The following MEF2D variants were observed in gnomAD, a reference collection of about 807,000 sequenced individuals.
MEF2D encodes myocyte enhancer factor 2D, also known as myocyte-specific enhancer factor 2D.
A neutral mutation model predicts 59.3 loss-of-function variants in MEF2D; 10 were observed. That is an observed-to-expected ratio of 0.17 (90% CI 0.10 to 0.29). MEF2D has a LOEUF of 0.29. MEF2D is among the 10% of genes least tolerant of loss of function. MEF2D has a pLI of 1.00. For missense variants in MEF2D, 508 were observed against 699.4 expected, an observed-to-expected ratio of 0.73 and a Z score of 3.09; for synonymous variants, 305 against 295.0, an observed-to-expected ratio of 1.03 and a Z score of -0.35.
chr1:156,468,436 G>GCACACAGGCTCCTATGA lies in MEF2D; in HGVS notation c.1248-138_1248-137insTCATAGGAGCCTGTGTG. 1.5e-6 allele frequency: 1 copy of GCACACAGGCTCCTATGA among 662,570 alleles called. No homozygotes were observed. Among genetic ancestry groups the GCACACAGGCTCCTATGA allele is most frequent in the Non-Finnish European group, 2.5e-6 (1 of 396,666 alleles). 41.0% of individuals were successfully genotyped at this position (662,570 alleles called of 1,614,324 possible). A position where few individuals can be genotyped will look rare whatever the true frequency, so the allele number is the denominator to read the frequency against. On this transcript the variant is annotated intron_variant, in intron 10 of 11. Transcript: ENST00000348159. The surrounding 1 kb of genome is among the most constrained non-coding windows in gnomAD (Gnocchi z 4.3). ...TATGGGGGATGGGGTGTTGGGGAGA[G>GCACACAGGCTCCTATGA]GCAATTGGATGGAGAGTGATCAGAA...
At chr1:156,475,066 C>A (rs762442227) in intron 9 of MEF2D, 42 bp downstream of exon 9, 9 of 1,612,944 alleles carry the variant, frequency 5.6e-6, no homozygotes, top group Non-Finnish European at 7.6e-6. Context: ...TTGCCTGCCC[C>A]AAGCCCAAGT....
At position 156,475,256 on chromosome 1, in the gene MEF2D, C is replaced by G; in HGVS notation, c.877-19G>C. On this transcript the variant is annotated intron_variant, in intron 8 of 11. Transcript: ENST00000348159. ...CATTGTTCTGTAGGAGAAAACTGTC[C>G]GTCAGGAGGTGGCTGACAGGTGGGC... 6.4e-7 allele frequency: 1 copy of G among 1,574,686 alleles called. No individual in the cohort carries two copies. Among genetic ancestry groups the G allele is most frequent in the South Asian group, 1.2e-5 (1 of 85,532 alleles).
chr1:156,468,387 TGAGA>T lies in MEF2D; in HGVS notation c.1248-92_1248-89del. The T allele has an allele frequency of 1.0e-6, 1 of 974,790 alleles. No individual in the cohort carries two copies. The highest frequency in any genetic ancestry group is 1.6e-5 in the African/African-American group (1 of 60,836). 60.4% of individuals were successfully genotyped at this position (974,790 alleles called of 1,614,324 possible). A position where few individuals can be genotyped will look rare whatever the true frequency, so the allele number is the denominator to read the frequency against. ...AAGTGATAGGACACCAGACAGAAAGTGAGAGAGAACAAGAGGATGAGAATATGGG... is the reference window on the plus strand; with the variant it reads ...AAGTGATAGGACACCAGACAGAAAGTGAGAACAAGAGGATGAGAATATGGG... On this transcript the variant is annotated intron_variant, in intron 10 of 11. Transcript: ENST00000348159. This position sits in a 1 kb window ranked among gnomAD's most constrained non-coding sequence, Gnocchi z 4.3.
In MEF2D at chr1:156,482,420, T is replaced by C. The variant is rs1672085010; in HGVS notation, c.258+17A>G. ...GCAGGCGGGGGTATATCCTGGTGCC[T>C]GTGTGTATGGGCCCACCTCGATGAT... On this transcript the variant is annotated intron_variant, in intron 3 of 11. Transcript: ENST00000348159. 3 of 1,613,164 alleles carry C rather than the reference T, an allele frequency of 1.9e-6. No homozygotes were observed. The highest frequency in any genetic ancestry group is 2.5e-6 in the Non-Finnish European group (3 of 1,179,866).
At chr1:156,483,077 C>T (rs1255880723) in intron 2 of MEF2D, among the ~76,000 whole-genome samples, 162 bp downstream of exon 2, 3 of 152,236 alleles carry the variant, frequency 2.0e-5, no homozygotes, top group Non-Finnish European at 2.9e-5. Context: ...CCAAGAGCTG[C>T]GAAGAGGTTG....
At chr1:156,477,826 T>C (rs983377688) in intron 6 of MEF2D, among the ~76,000 whole-genome samples, 2 of 152,242 alleles carry the variant, frequency 1.3e-5, no homozygotes, top group African/African-American at 2.4e-5. Flanking sequence ...GATGGTGTTA[T>C]TGGCACTGGG....
In MEF2D at chr1:156,469,117, A is replaced by G. The variant is rs1671065881; in HGVS notation, c.1007-97T>C. On this transcript the variant is annotated intron_variant, in intron 9 of 11. Coordinates refer to ENST00000348159, the MANE Select transcript of MEF2D (RefSeq NM_005920.4). Reference sequence around the variant, plus strand: ...CCAGGAGGACTGTGGGGATGAGGGGACAGGGAGTGTGTAATGACAGATGTA... The same window carrying G: ...CCAGGAGGACTGTGGGGATGAGGGGGCAGGGAGTGTGTAATGACAGATGTA... The G allele has an allele frequency of 2.7e-6, 4 of 1,458,366 alleles. 1 individual carries two copies. The highest frequency in any genetic ancestry group is 1.8e-4 in the Middle Eastern group (1 of 5,446). 90.3% of individuals were successfully genotyped at this position (1,458,366 alleles called of 1,614,324 possible). A position where few individuals can be genotyped will look rare whatever the true frequency, so the allele number is the denominator to read the frequency against.
chr1:156,485,967 G>A (rs1346090899), intron 1 of MEF2D, among the ~76,000 whole-genome samples: 2 of 150,124 alleles, frequency 1.3e-5, no homozygotes, highest in African/African-American at 4.9e-5. Flanking sequence ...CTCCTGCCTC[G>A]GCCTCCCAAG....
chr1:156,498,403 T>G (rs2102297956), intron 1 of MEF2D, among the ~76,000 whole-genome samples: 1 of 152,288 alleles, frequency 6.6e-6, no homozygotes, highest in African/African-American at 2.4e-5. Context: ...GGGTCCTGCT[T>G]CTTCCCTTGG....
intron 1 of MEF2D, among the ~76,000 whole-genome samples, chr1:156,496,174 AG>A (rs1673117978): frequency 6.6e-6 from 1 of 152,192 alleles, no homozygotes; most frequent in Non-Finnish European, 1.5e-5. Flanking sequence ...TCAGATGAAG[AG>A]GGCCTTGGGG....
chr1:156,493,080 A>C (rs1672909437), intron 1 of MEF2D, among the ~76,000 whole-genome samples: 1 of 152,098 alleles, frequency 6.6e-6, no homozygotes. Context: ...AAGCAGCAAG[A>C]TCCTTTCTTC....
intron 1 of MEF2D, among the ~76,000 whole-genome samples, chr1:156,489,604 A>G (rs959168316): frequency 2.0e-5 from 3 of 151,906 alleles, no homozygotes; most frequent in African/African-American, 7.3e-5. Flanking sequence ...GGCTTCCAGG[A>G]CTGACTCCTG....
chr1:156,494,873 AG>A (rs1673037127), intron 1 of MEF2D, among the ~76,000 whole-genome samples: 1 of 152,100 alleles, frequency 6.6e-6, no homozygotes, highest in Non-Finnish European at 1.5e-5. Flanking sequence ...TGGGAGTGGG[AG>A]GGAGTCTCCC....
intron 1 of MEF2D, among the ~76,000 whole-genome samples, chr1:156,498,587 C>T (rs931987719): frequency 1.3e-5 from 2 of 152,234 alleles, no homozygotes; most frequent in East Asian, 3.9e-4. Flanking sequence ...AAGCTCCTCC[C>T]TTCCTCCCTT....
intron 1 of MEF2D, among the ~76,000 whole-genome samples, chr1:156,486,105 C>T (rs957498682): frequency 6.6e-5 from 10 of 152,162 alleles, no homozygotes; most frequent in African/African-American, 2.2e-4. Context: ...ACCTCGACCT[C>T]GTGCTCCATG....
At chr1:156,474,733 C>T (rs1053498332) in intron 9 of MEF2D, among the ~76,000 whole-genome samples, 1 of 152,018 alleles carries the variant, frequency 6.6e-6, no homozygotes, top group Admixed American at 6.5e-5. Flanking sequence ...TCACTTGAGC[C>T]CAGGAGTTCA....
At chr1:156,475,529 C>T (rs1671512186) in intron 8 of MEF2D, among the ~76,000 whole-genome samples, 1 of 152,240 alleles carries the variant, frequency 6.6e-6, no homozygotes, top group Non-Finnish European at 1.5e-5. Context: ...CCTCCCAGTG[C>T]AGAGTGAGGG....
At chr1:156,470,071 G>A (rs569411469) in intron 9 of MEF2D, among the ~76,000 whole-genome samples, 53 of 152,342 alleles carry the variant, frequency 3.5e-4, no homozygotes, top group South Asian at 8.3e-4. Context: ...TGTTCATTAC[G>A]TCATAAAATG....
At chr1:156,491,220 G>A (rs1444865972) in intron 1 of MEF2D, among the ~76,000 whole-genome samples, 2 of 152,358 alleles carry the variant, frequency 1.3e-5, no homozygotes, top group African/African-American at 4.8e-5. Flanking sequence ...GGTCTAAGAT[G>A]TGATCCTGAG....
Sources: gnomAD v4.1 joint callset for allele counts (sites outside exome capture counted in the v4.1 genomes callset) on GRCh38, gnomAD v4.1.1 for gene constraint, Gnocchi (gnomAD v3.1) non-coding constraint, MANE v1.5 for transcripts, NCBI Gene and HGNC (gene_info 2026-07-23, HGNC 2026-07-21) for gene names.